The following LY6G6F variants were observed in gnomAD, a reference collection of about 807,000 sequenced individuals.
LY6G6F encodes lymphocyte antigen 6 family member G6F.
In LY6G6F, 26 loss-of-function variants were observed where a neutral mutation model predicts 33.0. That is an observed-to-expected ratio of 0.79 (90% CI 0.58 to 1.09). The LOEUF (loss-of-function observed/expected upper bound fraction) is 1.09. Ranked by LOEUF, LY6G6F falls within the 50% of genes least tolerant of loss-of-function variation. LY6G6F has a pLI of 0.00. For synonymous variants in LY6G6F, 132 were observed against 148.1 expected (o/e 0.89, Z 0.79); for missense variants, 317 against 372.0 (o/e 0.85, Z 1.22).
rs773749150 is a variant in LY6G6F, at chr6:31,707,860, C to G, written c.383-11C>G. 1 of 1,611,238 alleles carries G rather than the reference C, an allele frequency of 6.2e-7. No homozygotes were observed. The highest frequency in any genetic ancestry group is 1.1e-5 in the South Asian group (1 of 90,876). On this transcript the variant is annotated splice_polypyrimidine_tract_variant and intron_variant, in intron 2 of 5. Transcript: ENST00000375832. The surrounding 1 kb of genome is among the most constrained non-coding windows in gnomAD (Gnocchi z 4.1). ...AGGTGAAGAACTGAGGAATCCCTCT[C>G]TCCCCTACAGGATCCCAGTTATCTG...
In LY6G6F at chr6:31,708,025, C is replaced by T; in HGVS notation, c.537C>T (p.Ala179=). 1 of 1,613,006 alleles carries T rather than the reference C, an allele frequency of 6.2e-7. No homozygotes were observed. Among genetic ancestry groups the T allele is most frequent in the Non-Finnish European group, 8.5e-7 (1 of 1,179,998 alleles). The change falls in exon 3 of 6, where the codon GCC becomes GCT. Residue 179 remains alanine, a synonymous_variant. Transcript: ENST00000375832. ...AGTCCTTCTGGGGCAGTGAGGCTGCCCTGCTCTTGGTGTGTCCTGGGGAGG... is the reference window on the plus strand; with the variant it reads ...AGTCCTTCTGGGGCAGTGAGGCTGCTCTGCTCTTGGTGTGTCCTGGGGAGG... ...RVQSFWGSEA[A]LLLVCPGEGL...
At chr6:31,708,948 G>A (rs2151277342) in intron 3 of LY6G6F, among the ~76,000 whole-genome samples, 1 of 150,662 alleles carries the variant, frequency 6.6e-6, no homozygotes, top group South Asian at 2.1e-4. Context: ...TGTATTTTTA[G>A]TAGAGACGGG....
chr6:31,709,403 G>A (rs1424611085), intron 3 of LY6G6F, among the ~76,000 whole-genome samples: 1 of 151,746 alleles, frequency 6.6e-6, no homozygotes, highest in Non-Finnish European at 1.5e-5. Context: ...AGGATTACAG[G>A]CATATGCCAC....
Position 31,710,073 on chromosome 6 carries a change from G to C in LY6G6F, c.694G>C (p.Asp232His). Residue 232 changes from aspartate to histidine, a missense_variant, in exon 4 of 6, where the codon GAC (aspartate) becomes CAC (histidine). Coordinates refer to ENST00000375832, the MANE Select transcript of LY6G6F (RefSeq NM_001003693.3). The surrounding 1 kb of genome is among the most constrained non-coding windows in gnomAD (Gnocchi z 4.7). ...CCTCTGTGCCCCTTCCACGGGCTGGGACATGCCTTGGATTCTGATGCTGCT... is the reference window on the plus strand; with the variant it reads ...CCTCTGTGCCCCTTCCACGGGCTGGCACATGCCTTGGATTCTGATGCTGCT... The part of the protein sequence containing the change: ...PALCAPSTGW[D>H]MPWILMLLLT... 1.2e-6 allele frequency: 2 copies of C among 1,613,050 alleles called. No homozygotes were observed. The highest frequency in any genetic ancestry group is 2.2e-5 in the East Asian group (1 of 44,876).
chr6:31,706,952 G>A lies in LY6G6F; in HGVS notation c.46G>A (p.Ala16Thr), dbSNP rs921476186. 1.2e-6 allele frequency: 2 copies of A among 1,614,006 alleles called. No homozygotes were observed. Among genetic ancestry groups the A allele is most frequent in the African/African-American group, 2.7e-5 (2 of 74,904 alleles). Reference protein sequence around the residue: ...LLLFLCGTPQAADNMQAIYVA... With the variant: ...LLLFLCGTPQTADNMQAIYVA... The stretch of plus-strand genomic sequence containing the variant: ...CCTGTTCCTATGTGGAACTCCCCAG[G>A]CTGCAGGTAAGGGGCAAGAGGTACG... The change falls in exon 1 of 6, where the codon GCT becomes ACT. Residue 16 changes from alanine to threonine, a missense_variant. Ala to Thr is a moderately conservative substitution (Grantham distance 58). Transcript: ENST00000375832.
Position 31,707,562 on chromosome 6 carries a change from C to A in LY6G6F, c.157C>A (p.Pro53Thr), listed in dbSNP as rs1805702082. The A allele has an allele frequency of 6.2e-7, 1 of 1,613,964 alleles. No homozygotes were observed. The highest frequency in any genetic ancestry group is 8.5e-7 in the Non-Finnish European group (1 of 1,179,992). ...CGAACACCTGTCATGGTTCTGCAGCCCTGCAGCAGGCTCCTTCACCACCCT... is the reference window on the plus strand; with the variant it reads ...CGAACACCTGTCATGGTTCTGCAGCACTGCAGCAGGCTCCTTCACCACCCT... ...GDEHLSWFCS[P>T]AAGSFTTLVA... Residue 53 changes from proline to threonine, a missense_variant, in exon 2 of 6, where the codon CCT (proline) becomes ACT (threonine). Physicochemically the swap from Pro to Thr is conservative, Grantham distance 38. Coordinates refer to ENST00000375832, the MANE Select transcript of LY6G6F (RefSeq NM_001003693.3). The surrounding 1 kb of genome is among the most constrained non-coding windows in gnomAD (Gnocchi z 4.1).
chr6:31,707,624 C>T lies in LY6G6F; in HGVS notation c.219C>T (p.Asp73=), dbSNP rs771949774. The stretch of plus-strand genomic sequence containing the variant: ...TCCAAGTGGGCAGGCCAGCCCCAGA[C>T]CCTGGAAAACCAGGAAGGGAATCCA... ...AQVQVGRPAP[D]PGKPGRESRL... is the part of the protein sequence containing the mutation. The change falls in exon 2 of 6, where the codon GAC becomes GAT. Residue 73 remains aspartate, a synonymous_variant. Coordinates refer to ENST00000375832, the MANE Select transcript of LY6G6F (RefSeq NM_001003693.3). This position sits in a 1 kb window ranked among gnomAD's most constrained non-coding sequence, Gnocchi z 4.1. 4.3e-6 allele frequency: 7 copies of T among 1,613,814 alleles called. No individual in the cohort carries two copies. Among genetic ancestry groups the T allele is most frequent in the South Asian group, 3.3e-5 (3 of 91,016 alleles).
In LY6G6F at chr6:31,710,416, T is replaced by G. The variant is rs781178450; in HGVS notation, c.867T>G (p.Leu289=). Reference sequence around the variant, plus strand: ...ATGAGAACATCCATTTGGCCCGTCTTGGGTGAGGAACAGCTAGGGAACAGA... The same window carrying G: ...ATGAGAACATCCATTTGGCCCGTCTGGGGTGAGGAACAGCTAGGGAACAGA... ...QVYENIHLAR[L]GPPAHKPR Residue 289 remains leucine, a splice_region_variant and synonymous_variant, in exon 5 of 6, where the codon CTT becomes CTG. Coordinates refer to ENST00000375832, the MANE Select transcript of LY6G6F (RefSeq NM_001003693.3). This position sits in a 1 kb window ranked among gnomAD's most constrained non-coding sequence, Gnocchi z 4.7. The G allele has an allele frequency of 9.9e-6, 16 of 1,614,192 alleles. No individual in the cohort carries two copies. The highest frequency in any genetic ancestry group is 1.7e-5 in the Admixed American group (1 of 60,024).
chr6:31,708,442 C>A (rs781718035), intron 3 of LY6G6F, among the ~76,000 whole-genome samples: 1 of 152,132 alleles, frequency 6.6e-6, no homozygotes, highest in African/African-American at 2.4e-5. Context: ...CTATCTTGGT[C>A]TCCCAAAGTG....
In LY6G6F at chr6:31,706,910, G is replaced by T. The variant is rs763012796; in HGVS notation, c.4G>T (p.Ala2Ser). Residue 2 changes from alanine to serine, a missense_variant, in exon 1 of 6, where the codon GCA becomes TCA. Transcript: ENST00000375832. M[A>S]VLFLLLFLCG... ...GAGAACTTGGCAGGCTCTCCCCATG[G>T]CAGTCTTATTCCTCCTCCTGTTCCT... 1.9e-6 allele frequency: 3 copies of T among 1,614,126 alleles called. No individual in the cohort carries two copies. In the South Asian group the frequency reaches 3.3e-5, roughly 18 times the overall value.
chr6:31,710,183 TGA>T lies in LY6G6F; in HGVS notation c.802+4_802+5del. The T allele has an allele frequency of 6.2e-7, 1 of 1,609,998 alleles. No homozygotes were observed. Among genetic ancestry groups the T allele is most frequent in the Non-Finnish European group, 8.5e-7 (1 of 1,177,968 alleles). On this transcript the variant is annotated splice_donor_region_variant and intron_variant, in intron 4 of 5. Transcript: ENST00000375832. The surrounding 1 kb of genome is among the most constrained non-coding windows in gnomAD (Gnocchi z 4.7). ...GGGTCCGTGGGGCTCCAGGCAGAGG[TGA>T]GTCCCTCCCTCCCCGGGGAAAGAAG...
At position 31,710,226 on chromosome 6, in the gene LY6G6F, G is replaced by A. The variant is rs770965150; in HGVS notation, c.802+45G>A. On this transcript the variant is annotated intron_variant, in intron 4 of 5. Transcript: ENST00000375832. This position sits in a 1 kb window ranked among gnomAD's most constrained non-coding sequence, Gnocchi z 4.7. The stretch of plus-strand genomic sequence containing the variant: ...GGGAAAGAAGAGGGCACATGGGTGG[G>A]AGGCAAAGGGCTAGGCTCACACCCC... 6.8e-6 allele frequency: 11 copies of A among 1,607,602 alleles called. No homozygotes were observed. Among genetic ancestry groups the A allele is most frequent in the African/African-American group, 2.7e-5 (2 of 74,810 alleles).
At position 31,706,965 on chromosome 6, in the gene LY6G6F, G is replaced by C; in HGVS notation, c.52+7G>C. 1 of 1,613,938 alleles carries C rather than the reference G, an allele frequency of 6.2e-7. No homozygotes were observed. The highest frequency in any genetic ancestry group is 8.5e-7 in the Non-Finnish European group (1 of 1,179,880). ...GGAACTCCCCAGGCTGCAGGTAAGG[G>C]GCAAGAGGTACGGGATTCCTTAGCT... On this transcript the variant is annotated splice_region_variant and intron_variant, in intron 1 of 5. Transcript: ENST00000375832.
In LY6G6F at chr6:31,710,204, A is replaced by G. The variant is rs943137926; in HGVS notation, c.802+23A>G. The G allele has an allele frequency of 2.5e-6, 4 of 1,608,074 alleles. No individual in the cohort carries two copies. Among genetic ancestry groups the G allele is most frequent in the Non-Finnish European group, 3.4e-6 (4 of 1,176,470 alleles). ...GAGGTGAGTCCCTCCCTCCCCGGGG[A>G]AAGAAGAGGGCACATGGGTGGGAGG... On this transcript the variant is annotated intron_variant, in intron 4 of 5. Coordinates refer to ENST00000375832, the MANE Select transcript of LY6G6F (RefSeq NM_001003693.3). The surrounding 1 kb of genome is among the most constrained non-coding windows in gnomAD (Gnocchi z 4.7).
rs1805922008 is a variant in LY6G6F at position 31,710,157 on chromosome 6, A to G, written c.778A>G (p.Arg260Gly). The change falls in exon 4 of 6, where the codon AGG (arginine) becomes GGG (glycine). Residue 260 changes from arginine (R) to glycine (G), a missense_variant. Arg to Gly is a moderately radical substitution (Grantham distance 125, BLOSUM62 -2). Transcript: ENST00000375832. This position sits in a 1 kb window ranked among gnomAD's most constrained non-coding sequence, Gnocchi z 4.7. ...CCTCAGCATCGTGCTCTGGAGGCAGAGGGTCCGTGGGGCTCCAGGCAGAGG... is the reference window on the plus strand; with the variant it reads ...CCTCAGCATCGTGCTCTGGAGGCAGGGGGTCCGTGGGGCTCCAGGCAGAGG... ...LALSIVLWRQ[R>G]VRGAPGRDAS... 1 of 1,612,770 alleles carries G rather than the reference A, an allele frequency of 6.2e-7. No individual in the cohort carries two copies. The highest frequency in any genetic ancestry group is 8.5e-7 in the Non-Finnish European group (1 of 1,179,858).
In LY6G6F at chr6:31,707,921, C is replaced by G. The variant is rs1232325912; in HGVS notation, c.433C>G (p.Leu145Val). The change falls in exon 3 of 6, where the codon CTG (leucine) becomes GTG (valine). Residue 145 changes from leucine (L) to valine (V), a missense_variant. Coordinates refer to ENST00000375832, the MANE Select transcript of LY6G6F (RefSeq NM_001003693.3). This position sits in a 1 kb window ranked among gnomAD's most constrained non-coding sequence, Gnocchi z 4.1. ...AADGSPCNVL[L>V]CSVVPSRRMD... is the part of the protein sequence containing the mutation. ...AGATGGATCCCCCTGCAATGTCCTC[C>G]TGTGCTCTGTGGTCCCCAGCAGACG... 1 of 1,613,402 alleles carries G rather than the reference C, an allele frequency of 6.2e-7. No homozygotes were observed. Among genetic ancestry groups the G allele is most frequent in the East Asian group, 2.2e-5 (1 of 44,878 alleles).
Position 31,707,904 on chromosome 6 carries a change from C to T in LY6G6F, c.416C>T (p.Ser139Phe). The T allele has an allele frequency of 6.2e-7, 1 of 1,613,518 alleles. No individual in the cohort carries two copies. Among genetic ancestry groups the T allele is most frequent in the South Asian group, 1.1e-5 (1 of 91,074 alleles). Residue 139 changes from serine (S) to phenylalanine (F), a missense_variant, in exon 3 of 6, where the codon TCC becomes TTC. Physicochemically the swap from Ser to Phe is radical, Grantham distance 155. Transcript: ENST00000375832. The surrounding 1 kb of genome is among the most constrained non-coding windows in gnomAD (Gnocchi z 4.1). Reference sequence around the variant, plus strand: ...TTATCTGCAAGGGCTGCAGATGGATCCCCCTGCAATGTCCTCCTGTGCTCT... The same window carrying T: ...TTATCTGCAAGGGCTGCAGATGGATTCCCCTGCAATGTCCTCCTGTGCTCT... The part of the protein sequence containing the change: ...SQLSARAADG[S>F]PCNVLLCSVV...
At position 31,710,220 on chromosome 6, in the gene LY6G6F, G is replaced by C. The variant is rs529195583; in HGVS notation, c.802+39G>C. ...TCCCCGGGGAAAGAAGAGGGCACAT[G>C]GGTGGGAGGCAAAGGGCTAGGCTCA... On this transcript the variant is annotated intron_variant, in intron 4 of 5. Coordinates refer to ENST00000375832, the MANE Select transcript of LY6G6F (RefSeq NM_001003693.3). This position sits in a 1 kb window ranked among gnomAD's most constrained non-coding sequence, Gnocchi z 4.7. The C allele has an allele frequency of 4.4e-6, 7 of 1,607,914 alleles. No homozygotes were observed. The East Asian group carries it at 1.6e-4, about 36-fold the overall frequency.
Position 31,710,382 on chromosome 6 carries a change from T to G in LY6G6F, c.833T>G (p.Ile278Ser). ...DASIPQFKPE[I>S]QVYENIHLAR... ...TCGATTCCTCAGTTCAAACCCGAAA[T>G]CCAGGTCTATGAGAACATCCATTTG... Residue 278 changes from isoleucine to serine, a missense_variant, in exon 5 of 6, where the codon ATC becomes AGC. Coordinates refer to ENST00000375832, the MANE Select transcript of LY6G6F (RefSeq NM_001003693.3). The surrounding 1 kb of genome is among the most constrained non-coding windows in gnomAD (Gnocchi z 4.7). 6.2e-7 allele frequency: 1 copy of G among 1,614,012 alleles called. No individual in the cohort carries two copies. The highest frequency in any genetic ancestry group is 1.7e-5 in the Admixed American group (1 of 60,000).
Sources: gnomAD v4.1 joint callset for allele counts (sites outside exome capture counted in the v4.1 genomes callset) on GRCh38, gnomAD v4.1.1 for gene constraint, Gnocchi (gnomAD v3.1) non-coding constraint, MANE v1.5 for transcripts, NCBI Gene and HGNC (gene_info 2026-07-23, HGNC 2026-07-21) for gene names.